Variants in INPP5F observed in about 807,000 individuals in gnomAD.
INPP5F encodes the protein phosphatidylinositide 4-phosphatase SAC2.
INPP5F carries 97 observed loss-of-function variants against 137.2 expected under a neutral mutation model. The observed-to-expected ratio is 0.71, with a 90% CI of 0.60 to 0.84. The LOEUF (loss-of-function observed/expected upper bound fraction) is 0.84, where lower values mean the gene tolerates loss of function less well. Among genes scored for constraint, INPP5F ranks in the 40% least tolerant of loss-of-function variants. INPP5F has a pLI of 0.00. For missense variants in INPP5F, 1,271 were observed against 1,371.9 expected (o/e 0.93, Z 1.16); for synonymous variants, 504 against 476.9 (o/e 1.06, Z -0.74).
At chr10:119,781,408 G>A (rs185338145) in intron 2 of INPP5F, among the ~76,000 whole-genome samples, 85 of 152,308 alleles carry the variant, frequency 5.6e-4, no homozygotes, top group African/African-American at 1.9e-3. Flanking sequence ...GGGTGAGCAT[G>A]GTGTCACAAC....
intron 1 of INPP5F, among the ~76,000 whole-genome samples, chr10:119,728,241 AG>A (rs1402875977): frequency 6.6e-6 from 1 of 152,246 alleles, no homozygotes; most frequent in Non-Finnish European, 1.5e-5. Flanking sequence ...GCCATGTTTC[AG>A]AAGTAACAGC....
intron 11 of INPP5F, 98 bp from the exon 12 acceptor site, chr10:119,806,262 C>A: frequency 1.3e-6 from 1 of 783,604 alleles, no homozygotes; most frequent in Non-Finnish European, 1.9e-6. Flanking sequence ...CAAATTACAG[C>A]CAGTGCTGCT....
Position 119,811,785 on chromosome 10 carries a change from A to G in INPP5F, c.1716A>G (p.Glu572=), listed in dbSNP as rs373644016. 226 of 1,613,948 alleles carry G rather than the reference A, an allele frequency of 1.4e-4. No homozygotes were observed. The highest frequency in any genetic ancestry group is 2.0e-4 in the Admixed American group (12 of 60,002). The stretch of plus-strand genomic sequence containing the variant: ...TGATGCAAGGCATTCCAGTGACAGA[A>G]GATCTTTATTCCATATTTACCAAGG... The part of the protein sequence containing the change: ...IDLMQGIPVT[E]DLYSIFTKEK... The change falls in exon 15 of 20, where the codon GAA becomes GAG. Residue 572 remains glutamate (E), a synonymous_variant. Coordinates refer to ENST00000650623, the MANE Select transcript of INPP5F (RefSeq NM_014937.4).
Position 119,781,826 on chromosome 10 carries a change from T to TA in INPP5F, c.315+56dup, listed in dbSNP as rs1011951464. ...AACCTGATATAAATGTAATAGCAAA[T>TA]ATGAGGATTTGGTTCAGTAGACCAG... On this transcript the variant is annotated intron_variant, in intron 3 of 19. Coordinates refer to ENST00000650623, the MANE Select transcript of INPP5F (RefSeq NM_014937.4). 11 of 1,428,166 alleles carry TA rather than the reference T, an allele frequency of 7.7e-6. No homozygotes were observed. In the Admixed American group the frequency reaches 2.1e-4, roughly 27 times the overall value. The allele number at this position is 1,428,166 out of a possible 1,614,324, so 88.5% of individuals were successfully genotyped here. A position where few individuals can be genotyped will look rare whatever the true frequency, so the allele number is the denominator to read the frequency against.
chr10:119,760,119 T>C (rs1848967636), intron 2 of INPP5F, among the ~76,000 whole-genome samples: 1 of 152,224 alleles, frequency 6.6e-6, no homozygotes, highest in Non-Finnish European at 1.5e-5. Flanking sequence ...CAGATATTTA[T>C]GTTTTCAGGC....
chr10:119,794,787 G>A (rs1207456164), intron 6 of INPP5F, among the ~76,000 whole-genome samples: 1 of 131,436 alleles, frequency 7.6e-6, no homozygotes, highest in Non-Finnish European at 1.7e-5. Context: ...GGCTGGCCGG[G>A]CGGGGGGCTG....
Position 119,820,905 on chromosome 10 carries a change from A to C in INPP5F, c.1946A>C (p.Tyr649Ser). The change falls in exon 16 of 20, where the codon TAC becomes TCC. Residue 649 changes from tyrosine (Y) to serine (S), a missense_variant. Around this residue, in one of 6 missense-constraint regions of INPP5F, gnomAD observed 593 missense variants for 712.4 expected, o/e 0.83. Transcript: ENST00000650623. ...DVLLLLSNSA[Y>S]YVAYYDDEVD... ...CTGTTACTGCTTTCTAACTCTGCCT[A>C]CTACGTGGCCTAGTAAGTTGCTTAT... The C allele has an allele frequency of 6.2e-7, 1 of 1,603,118 alleles. No individual in the cohort carries two copies.
At chr10:119,795,037 C>A (rs1219935119) in intron 6 of INPP5F, among the ~76,000 whole-genome samples, 4 of 125,136 alleles carry the variant, frequency 3.2e-5, no homozygotes, top group South Asian at 2.7e-4. Context: ...CTGACCCCCC[C>A]ACCTCCCTCC....
Position 119,792,028 on chromosome 10 carries a change from T to C in INPP5F, c.604T>C (p.Trp202Arg), listed in dbSNP as rs1850164304. 4 of 1,614,228 alleles carry C rather than the reference T, an allele frequency of 2.5e-6. No homozygotes were observed. Among genetic ancestry groups the C allele is most frequent in the Non-Finnish European group, 3.4e-6 (4 of 1,180,034 alleles). Residue 202 changes from tryptophan to arginine, a missense_variant, in exon 5 of 20, where the codon TGG becomes CGG. Trp to Arg is a moderately radical substitution (Grantham distance 101). Coordinates refer to ENST00000650623, the MANE Select transcript of INPP5F (RefSeq NM_014937.4). Reference sequence around the variant, plus strand: ...TGGGGAGAGGGACGGTCGGCCCCTCTGGCAGAAGGTACCACTCACAGCTCG... The same window carrying C: ...TGGGGAGAGGGACGGTCGGCCCCTCCGGCAGAAGGTACCACTCACAGCTCG... The part of the protein sequence containing the change: ...STGERDGRPL[W>R]QKVDDRFFWN...
intron 2 of INPP5F, among the ~76,000 whole-genome samples, chr10:119,755,985 A>G (rs1007081559): frequency 2.0e-5 from 3 of 151,434 alleles, no homozygotes; most frequent in Non-Finnish European, 4.4e-5. Flanking sequence ...GTGAAACCCC[A>G]TATCTACTAG....
intron 19 of INPP5F, among the ~76,000 whole-genome samples, chr10:119,824,235 A>G (rs1193188807): frequency 6.6e-6 from 1 of 152,216 alleles, no homozygotes; most frequent in African/African-American, 2.4e-5. Flanking sequence ...AAGATTAACC[A>G]AAGTACAGAT....
chr10:119,827,728 A>G lies in INPP5F; in HGVS notation c.3347A>G (p.Asn1116Ser), dbSNP rs1326659509. Residue 1116 changes from asparagine to serine, a missense_variant, in exon 20 of 20, where the codon AAT (asparagine) becomes AGT (serine). Coordinates refer to ENST00000650623, the MANE Select transcript of INPP5F (RefSeq NM_014937.4). ...EPEIINQVQQ[N>S]ELKKMFIQCQ... ...GAAATCATTAATCAAGTCCAGCAAA[A>G]TGAACTTAAAAAGATGTTTATACAA... 6.2e-7 allele frequency: 1 copy of G among 1,613,644 alleles called. No individual in the cohort carries two copies. The highest frequency in any genetic ancestry group is 1.1e-5 in the South Asian group (1 of 90,978).
chr10:119,751,017 C>T, intron 1 of INPP5F, 59 bp from the exon 2 acceptor site: 1 of 1,073,886 alleles, frequency 9.3e-7, no homozygotes. Flanking sequence ...GCTAAAGATA[C>T]TGTTTTAATA....
At chr10:119,742,178 C>T (rs1477898815) in intron 1 of INPP5F, among the ~76,000 whole-genome samples, 2 of 65,906 alleles carry the variant, frequency 3.0e-5, no homozygotes, top group African/African-American at 1.1e-4. Context: ...TTTTTTGAGA[C>T]AGAGTCTCGC....
rs1398470707 is a variant in INPP5F at position 119,787,055 on chromosome 10, T to C, written c.316-4462T>C. Among the ~76,000 whole-genome samples the C allele has an allele frequency of 1.3e-5, 2 of 152,184 alleles. No individual in the cohort carries two copies. Among genetic ancestry groups the C allele is most frequent in the Non-Finnish European group, 2.9e-5 (2 of 68,036 alleles). On this transcript the variant is annotated intron_variant, in intron 3 of 19. Transcript: ENST00000650623. The surrounding 1 kb of genome is among the most constrained non-coding windows in gnomAD (Gnocchi z 4.1). ...GAGCATTACCCCACGATAAAACACA[T>C]TAATGTTTCTTAAACAATGGTATGA...
intron 16 of INPP5F, among the ~76,000 whole-genome samples, chr10:119,821,710 CTCTCCCTCCCTTCATCTCTG>C (rs1158650213): frequency 6.7e-6 from 1 of 148,204 alleles, no homozygotes; most frequent in African/African-American, 2.5e-5. Flanking sequence ...TCCTCTCTCT[CTCTCCCTCCCTTCATCTCTG>C]CCTCCCTCCG....
chr10:119,791,566 C>T lies in INPP5F; in HGVS notation c.365C>T (p.Pro122Leu), dbSNP rs772488383. 3.1e-6 allele frequency: 5 copies of T among 1,600,058 alleles called. No individual in the cohort carries two copies. Among genetic ancestry groups the T allele is most frequent in the Admixed American group, 1.7e-5 (1 of 59,992 alleles). ...FGINKPEKII[P>L]SPDDSKFLLK... ...ATTAACAAACCAGAGAAGATCATAC[C>T]ATCTCCTGATGACTCAAAGTTTCTA... The change falls in exon 4 of 20, where the codon CCA becomes CTA. Residue 122 changes from proline to leucine, a missense_variant. Around this residue, in one of 6 missense-constraint regions of INPP5F, gnomAD observed 62 missense variants for 55.0 expected, o/e 1.13. Transcript: ENST00000650623.
At position 119,742,480 on chromosome 10, in the gene INPP5F, A is replaced by G. The variant is rs542874742; in HGVS notation, c.98-8596A>G. Among the ~76,000 whole-genome samples, 518 of 152,298 alleles carry G rather than the reference A, an allele frequency of 3.4e-3. 10 individuals are homozygous for G. The highest frequency in any genetic ancestry group is 6.2e-4 in the Non-Finnish European group (42 of 68,024). On this transcript the variant is annotated intron_variant, in intron 1 of 19. Transcript: ENST00000650623. ...CAGACAACAGCTTTTTAAATGATCAAGATGGTGAAGGTCTTGGCCCTGGGC... is the reference window on the plus strand; with the variant it reads ...CAGACAACAGCTTTTTAAATGATCAGGATGGTGAAGGTCTTGGCCCTGGGC...
intron 2 of INPP5F, among the ~76,000 whole-genome samples, chr10:119,771,868 ATATATATATATATATTTTTTTTT>A (rs1849357009): frequency 2.1e-4 from 3 of 14,306 alleles, no homozygotes; most frequent in Non-Finnish European, 3.0e-4. Context: ...ATATATATAT[ATATATATATATATATTTTTTTTT>A]TTTTTTTTTT....
Sources: gnomAD v4.1 joint callset for allele counts (sites outside exome capture counted in the v4.1 genomes callset) on GRCh38, gnomAD v4.1.1 for gene constraint, gnomAD v4.1.1 regional missense constraint, Gnocchi (gnomAD v3.1) non-coding constraint, MANE v1.5 for transcripts, NCBI Gene and HGNC (gene_info 2026-07-23, HGNC 2026-07-21) for gene names.